USP3: variants seen among roughly 807,000 people sequenced by gnomAD.
USP3 encodes ubiquitin carboxyl-terminal hydrolase 3.
A neutral mutation model predicts 72.3 loss-of-function variants in USP3; 20 were observed. The ratio of observed to expected loss-of-function variants is 0.28; its 90% CI spans 0.19 to 0.40. The LOEUF (loss-of-function observed/expected upper bound fraction) is 0.40, where lower values mean the gene tolerates loss of function less well. Among genes scored for constraint, USP3 ranks in the 10% least tolerant of loss-of-function variants. USP3 has a pLI of 1.00. For missense variants in USP3, 479 were observed against 633.9 expected, an observed-to-expected ratio of 0.76 and a Z score of 2.62; for synonymous variants, 222 against 225.3, an observed-to-expected ratio of 0.99 and a Z score of 0.13.
chr15:63,570,979 A>C lies in USP3; in HGVS notation c.908+400A>C, dbSNP rs2066769762. 6.6e-6 allele frequency among the ~76,000 whole-genome samples: 1 copy of C among 152,210 alleles called. No individual in the cohort carries two copies. The highest frequency in any genetic ancestry group is 2.1e-4 in the South Asian group (1 of 4,828). On this transcript the variant is annotated intron_variant, in intron 9 of 14. Coordinates refer to ENST00000380324, the MANE Select transcript of USP3 (RefSeq NM_006537.4). This position sits in a 1 kb window ranked among gnomAD's most constrained non-coding sequence, Gnocchi z 4.4. ...ACATTTTGAATGTGAACTTTCCTAA[A>C]GCTTCATTATGGACTTGAACTTTCC...
chr15:63,538,347 T>A (rs1385310645), intron 3 of USP3, among the ~76,000 whole-genome samples: 1 of 152,136 alleles, frequency 6.6e-6, no homozygotes, highest in Non-Finnish European at 1.5e-5. Flanking sequence ...TATTTTTTAT[T>A]GTCAGACAGC....
At chr15:63,563,816 A>G (rs935648876) in intron 8 of USP3, among the ~76,000 whole-genome samples, 11 of 152,226 alleles carry the variant, frequency 7.2e-5, no homozygotes, top group African/African-American at 2.4e-4. Context: ...ATCTTGCCCT[A>G]TTGCCTAAAA....
chr15:63,543,910 T>G (rs2066282108), intron 3 of USP3, among the ~76,000 whole-genome samples: 1 of 152,016 alleles, frequency 6.6e-6, no homozygotes, highest in African/African-American at 2.4e-5. Flanking sequence ...TATGGTATAT[T>G]GTACTTTGAG....
rs772368231 is a variant in USP3, at chr15:63,570,442, A to G, written c.771A>G (p.Gln257=). Residue 257 remains glutamine (Q), a synonymous_variant, in exon 9 of 15, where the codon CAA becomes CAG. Coordinates refer to ENST00000380324, the MANE Select transcript of USP3 (RefSeq NM_006537.4). The surrounding 1 kb of genome is among the most constrained non-coding windows in gnomAD (Gnocchi z 4.4). The stretch of plus-strand genomic sequence containing the variant: ...TGTTTGTTTGCTTTAGGGGCTATCA[A>G]CAGCAGGACGCCCATGAATTCATGC... ...WKIMPNFRGY[Q]QQDAHEFMRY... is the part of the protein sequence containing the mutation. 5.6e-6 allele frequency: 9 copies of G among 1,614,014 alleles called. No homozygotes were observed. In the African/African-American group the frequency reaches 8.0e-5, roughly 14 times the overall value.
chr15:63,571,990 A>G (rs1205109091), intron 9 of USP3, among the ~76,000 whole-genome samples: 1 of 152,200 alleles, frequency 6.6e-6, no homozygotes, highest in Non-Finnish European at 1.5e-5. Flanking sequence ...ACCCCTACTG[A>G]AGGTGAAGGT....
At chr15:63,507,337 C>A (rs2065726381) in intron 1 of USP3, among the ~76,000 whole-genome samples, 1 of 152,126 alleles carries the variant, frequency 6.6e-6, no homozygotes, top group South Asian at 2.1e-4. Flanking sequence ...GTTAGCAGTA[C>A]CTAATTGGAC....
intron 3 of USP3, among the ~76,000 whole-genome samples, chr15:63,539,365 T>A (rs1185438254): frequency 6.6e-6 from 1 of 152,176 alleles, no homozygotes; most frequent in Non-Finnish European, 1.5e-5. Context: ...GGAAATACAA[T>A]TAAATCGCTG....
intron 1 of USP3, among the ~76,000 whole-genome samples, chr15:63,526,156 T>C (rs985452084): frequency 6.6e-6 from 1 of 152,230 alleles, no homozygotes. Flanking sequence ...TCCTTTTACA[T>C]AGCTGATAAC....
rs2066021336 is a variant in USP3 at position 63,528,714 on chromosome 15, A to G, written c.92-3933A>G. On this transcript the variant is annotated intron_variant, in intron 1 of 14. Transcript: ENST00000380324. This position sits in a 1 kb window ranked among gnomAD's most constrained non-coding sequence, Gnocchi z 4.3. The stretch of plus-strand genomic sequence containing the variant: ...GCAGGTAAACTTTTGAATCTCATCT[A>G]TCTATAAATTGAAACTACCTTTTAT... Among the ~76,000 whole-genome samples, 1 of 152,202 alleles carries G rather than the reference A, an allele frequency of 6.6e-6. No individual in the cohort carries two copies. The highest frequency in any genetic ancestry group is 2.1e-4 in the South Asian group (1 of 4,828).
At chr15:63,540,968 G>A (rs2066236332) in intron 3 of USP3, among the ~76,000 whole-genome samples, 2 of 152,152 alleles carry the variant, frequency 1.3e-5, no homozygotes, top group Admixed American at 1.3e-4. Flanking sequence ...TGTATGTGGT[G>A]TACATTATTG....
rs2066298385 is a variant in USP3, at chr15:63,544,944, A to G, written c.284+7788A>G. Among the ~76,000 whole-genome samples the G allele has an allele frequency of 6.6e-6, 1 of 152,234 alleles. No homozygotes were observed. Among genetic ancestry groups the G allele is most frequent in the Non-Finnish European group, 1.5e-5 (1 of 68,034 alleles). On this transcript the variant is annotated intron_variant, in intron 3 of 14. Coordinates refer to ENST00000380324, the MANE Select transcript of USP3 (RefSeq NM_006537.4). The surrounding 1 kb of genome is among the most constrained non-coding windows in gnomAD (Gnocchi z 4.2). Reference sequence around the variant, plus strand: ...GGGAAAAGGGAAAAAGATGTACCAAAGGAAATAACCAAAGTATAGAAAAGA... The same window carrying G: ...GGGAAAAGGGAAAAAGATGTACCAAGGGAAATAACCAAAGTATAGAAAAGA...
intron 1 of USP3, among the ~76,000 whole-genome samples, chr15:63,517,687 A>G (rs2065870330): frequency 6.6e-6 from 1 of 152,066 alleles, no homozygotes. Context: ...CTGGCCACTG[A>G]TGTTCTGAGA....
At chr15:63,534,321 G>T (rs558815693) in intron 2 of USP3, among the ~76,000 whole-genome samples, 1 of 152,222 alleles carries the variant, frequency 6.6e-6, no homozygotes, top group East Asian at 1.9e-4. Context: ...TAGACTGCTT[G>T]TCTTTAGGGA....
chr15:63,566,029 C>A (rs1212550443), intron 8 of USP3, among the ~76,000 whole-genome samples: 1 of 152,172 alleles, frequency 6.6e-6, no homozygotes, highest in African/African-American at 2.4e-5. Context: ...TGGTCCCTAT[C>A]TCTTTGTCTA....
intron 1 of USP3, among the ~76,000 whole-genome samples, chr15:63,510,986 T>C (rs1316576600): frequency 2.0e-5 from 3 of 151,920 alleles, no homozygotes; most frequent in Admixed American, 6.6e-5. Context: ...CTGCTGTGAG[T>C]CTGCAGATGT....
intron 6 of USP3, 47 bp downstream of exon 6, chr15:63,558,235 G>A: frequency 6.2e-7 from 1 of 1,602,828 alleles, no homozygotes. Flanking sequence ...AAGGTTAAGA[G>A]CACGGGCTCT....
intron 1 of USP3, among the ~76,000 whole-genome samples, chr15:63,505,236 G>A (rs1215727826): frequency 6.6e-6 from 1 of 152,104 alleles, no homozygotes; most frequent in African/African-American, 2.4e-5. Context: ...CGTGTGGCGG[G>A]GCCCGCGCCG....
At chr15:63,568,996 GA>G (rs1274724871) in intron 8 of USP3, among the ~76,000 whole-genome samples, 3 of 152,160 alleles carry the variant, frequency 2.0e-5, no homozygotes, top group African/African-American at 7.2e-5. Context: ...TTTAAAATGG[GA>G]TGGGCTTGTG....
chr15:63,532,711 G>A lies in USP3; in HGVS notation c.152+4G>A, dbSNP rs776828678. On this transcript the variant is annotated splice_donor_region_variant and intron_variant, in intron 2 of 14. Transcript: ENST00000380324. Reference sequence around the variant, plus strand: ...GTTCAAGTGTCCACTGTGGAAGGTAGGTGACATACTTATTACTTCACTGAC... The same window carrying A: ...GTTCAAGTGTCCACTGTGGAAGGTAAGTGACATACTTATTACTTCACTGAC... 3 of 1,613,630 alleles carry A rather than the reference G, an allele frequency of 1.9e-6. No individual in the cohort carries two copies. Among genetic ancestry groups the A allele is most frequent in the African/African-American group, 1.3e-5 (1 of 74,884 alleles).
Sources: allele counts gnomAD v4.1 joint callset (sites outside exome capture counted in the v4.1 genomes callset), GRCh38; gene constraint gnomAD v4.1.1; non-coding constraint Gnocchi (gnomAD v3.1); transcripts MANE v1.5; gene names NCBI Gene and HGNC (gene_info 2026-07-23, HGNC 2026-07-21).